The following USP24 variants were observed in gnomAD, a reference collection of about 807,000 sequenced individuals.
USP24 encodes the protein ubiquitin specific peptidase 24.
A neutral mutation model predicts 361.6 loss-of-function variants in USP24; 97 were observed. The observed-to-expected ratio is 0.27, with a 90% confidence interval of 0.23 to 0.32. The LOEUF is 0.32. Among genes scored for constraint, USP24 ranks in the 10% least tolerant of loss-of-function variants. The pLI is 1.00. For synonymous variants in USP24, 1,098 were observed against 1,124.6 expected (o/e 0.98, Z 0.47); for missense variants, 2,353 against 3,165.6 (o/e 0.74, Z 6.16).
At chr1:55,144,316 CT>C in intron 20 of USP24, 113 bp from the exon 21 acceptor site, 2 of 556,890 alleles carry the variant, frequency 3.6e-6, no homozygotes, top group Non-Finnish European at 3.0e-6. Context: ...GCATTGGCTT[CT>C]TAGATATGGT....
At chr1:55,100,599 C>T (rs1469903833) in intron 44 of USP24, among the ~76,000 whole-genome samples, 1 of 151,884 alleles carries the variant, frequency 6.6e-6, no homozygotes, top group Admixed American at 6.6e-5. Context: ...AAATAAGAAT[C>T]ATTAAAAATA....
rs191448950 is a variant in USP24 at position 55,119,171 on chromosome 1, G to A, written c.4508+1425C>T. On this transcript the variant is annotated intron_variant, in intron 38 of 67. Transcript: ENST00000294383. ...GGCCAAAAGGTGGAAACACCCAAAT[G>A]TTCATCTATGGATGAATGGATATAC... Among the ~76,000 whole-genome samples, 951 of 152,286 alleles carry A rather than the reference G, an allele frequency of 6.2e-3. 12 individuals are homozygous for A. Among genetic ancestry groups the A allele is most frequent in the Non-Finnish European group, 6.4e-3 (435 of 68,024 alleles).
intron 1 of USP24, among the ~76,000 whole-genome samples, chr1:55,192,121 T>A (rs1251511841): frequency 6.6e-6 from 1 of 151,308 alleles, no homozygotes. Context: ...AAAATCAACA[T>A]GCAAGCTTTT....
In USP24 at chr1:55,153,912, T is replaced by C; in HGVS notation, c.1818A>G (p.Gly606=). The C allele has an allele frequency of 6.4e-7, 1 of 1,551,002 alleles. No homozygotes were observed. Among genetic ancestry groups the C allele is most frequent in the Non-Finnish European group, 8.7e-7 (1 of 1,146,656 alleles). ...IKCIEDIKRP[G]EWSGLEKNKK... is the part of the protein sequence containing the mutation. ...TGTTTTTTTCCAAACCTGACCATTCTCCAGGCTGAAAATTCATTTTAAGAG... is the reference window on the plus strand; with the variant it reads ...TGTTTTTTTCCAAACCTGACCATTCCCCAGGCTGAAAATTCATTTTAAGAG... The change falls in exon 16 of 68, where the codon GGA becomes GGG. Residue 606 remains glycine, a synonymous_variant. Transcript: ENST00000294383.
At chr1:55,187,144 T>C (rs1644154948) in intron 1 of USP24, among the ~76,000 whole-genome samples, 1 of 151,860 alleles carries the variant, frequency 6.6e-6, no homozygotes, top group South Asian at 2.1e-4. Context: ...CCAATCAATA[T>C]AATAACACCA....
intron 51 of USP24, among the ~76,000 whole-genome samples, chr1:55,094,412 TTG>T (rs1645449077): frequency 1.3e-5 from 2 of 152,190 alleles, no homozygotes; most frequent in Non-Finnish European, 2.9e-5. Context: ...CTTCATATTA[TTG>T]TGAGATATCT....
intron 1 of USP24, among the ~76,000 whole-genome samples, chr1:55,199,588 AGTGT>A (rs55710750): frequency 0.17 from 24,477 of 146,000 alleles, 2,378 homozygotes; most frequent in African/African-American, 0.28. Context: ...GTTCAGAAAA[AGTGT>A]GTGTGTGTGT....
rs1381878977 is a variant in USP24 at position 55,154,283 on chromosome 1, A to G, written c.1651-3T>C. ...AGTTCCCAGAGTACGTCTAAAACCT[A>G]CAATAATATTACATATGATCAGCCA... is the stretch of plus-strand genomic sequence containing the variant. On this transcript the variant is annotated splice_polypyrimidine_tract_variant and splice_region_variant and intron_variant, in intron 14 of 67. Coordinates refer to ENST00000294383, the MANE Select transcript of USP24 (RefSeq NM_015306.3). The G allele has an allele frequency of 1.9e-6, 3 of 1,606,462 alleles. No homozygotes were observed. Among genetic ancestry groups the G allele is most frequent in the Non-Finnish European group, 2.6e-6 (3 of 1,176,018 alleles).
chr1:55,172,656 A>G (rs756750342), intron 3 of USP24, 136 bp from the exon 4 acceptor site: 12 of 915,996 alleles, frequency 1.3e-5, no homozygotes, highest in Non-Finnish European at 1.8e-5. Context: ...CTTTTAAAAG[A>G]CCCATAGCTG....
chr1:55,166,035 T>C (rs1648811909), intron 6 of USP24, 85 bp from the exon 7 acceptor site: 4 of 1,254,132 alleles, frequency 3.2e-6, no homozygotes, highest in Non-Finnish European at 4.4e-6. Context: ...ATAGTAGGTG[T>C]ATATGTTTAT....
chr1:55,113,748 A>G (rs1646023066), intron 38 of USP24, among the ~76,000 whole-genome samples: 1 of 152,122 alleles, frequency 6.6e-6, no homozygotes, highest in Non-Finnish European at 1.5e-5. Flanking sequence ...CTAGGTATTG[A>G]TGGAACGTAT....
chr1:55,072,353 T>A lies in USP24; in HGVS notation c.7653A>T (p.Ser2551=). 1 of 1,613,862 alleles carries A rather than the reference T, an allele frequency of 6.2e-7. No homozygotes were observed. The highest frequency in any genetic ancestry group is 8.5e-7 in the Non-Finnish European group (1 of 1,179,842). Residue 2551 remains serine (S), a synonymous_variant, in exon 66 of 68, where the codon TCA becomes TCT. Transcript: ENST00000294383. ...TGGTTCGCTGAAAGGTTTTTCCAGT[T>A]GATGTTTCATTAGAGACATTACTCT... The part of the protein sequence containing the change: ...TPQSNVSNET[S]TGKTFQRTIS...
Position 55,134,413 on chromosome 1 carries a change from C to A in USP24, c.3202G>T (p.Glu1068Ter). 6.2e-7 allele frequency: 1 copy of A among 1,608,004 alleles called. No individual in the cohort carries two copies. The highest frequency in any genetic ancestry group is 8.5e-7 in the Non-Finnish European group (1 of 1,175,492). The change falls in exon 29 of 68, where the codon GAG becomes TAG. Residue 1068 changes from glutamate to a stop codon, truncating the protein, a stop_gained and splice_region_variant. Transcript: ENST00000294383. LOFTEE classifies it high-confidence loss of function. Reference sequence around the variant, plus strand: ...ATCACTACACCAGGGAGGGATTTCTCCTGATGGAAAAAAGCAAAATAGAAA... The same window carrying A: ...ATCACTACACCAGGGAGGGATTTCTACTGATGGAAAAAAGCAAAATAGAAA... Reference protein sequence around the residue: ...VFSSSYAMEQEKSLPGVVMAL... With the variant: ...VFSSSYAMEQ
At chr1:55,206,040 A>C (rs1230796693) in intron 1 of USP24, among the ~76,000 whole-genome samples, 1 of 152,230 alleles carries the variant, frequency 6.6e-6, no homozygotes, top group Admixed American at 6.5e-5. Context: ...CAACAGCAAG[A>C]AACAGAACCC....
At chr1:55,132,337 G>C (rs963960993) in intron 31 of USP24, among the ~76,000 whole-genome samples, 1 of 152,192 alleles carries the variant, frequency 6.6e-6, no homozygotes, top group Non-Finnish European at 1.5e-5. Flanking sequence ...TGTTATAGCA[G>C]CCCAAATGGG....
At chr1:55,077,106 G>T in intron 62 of USP24, 129 bp downstream of exon 62, 2 of 875,182 alleles carry the variant, frequency 2.3e-6, no homozygotes, top group Non-Finnish European at 3.2e-6. Context: ...CTGACACGAA[G>T]ATTTGGTCTC....
At chr1:55,087,048 G>A (rs898554264) in intron 55 of USP24, among the ~76,000 whole-genome samples, 3 of 152,122 alleles carry the variant, frequency 2.0e-5, no homozygotes, top group Non-Finnish European at 4.4e-5. Context: ...AATTGCCTTA[G>A]AAGACTATAC....
intron 67 of USP24, among the ~76,000 whole-genome samples, chr1:55,069,948 C>G (rs1220362593): frequency 6.8e-6 from 1 of 147,594 alleles, no homozygotes; most frequent in Admixed American, 6.8e-5. Flanking sequence ...TCAAGCAGGA[C>G]TGTGTTGAGG....
At chr1:55,214,767 G>A (rs1644943073) in intron 1 of USP24, 23 bp downstream of exon 1, 4 of 1,217,298 alleles carry the variant, frequency 3.3e-6, no homozygotes, top group Non-Finnish European at 4.1e-6. Flanking sequence ...TTCCCACAGA[G>A]GTCTGGGGTT....
Sources: allele counts gnomAD v4.1 joint callset (sites outside exome capture counted in the v4.1 genomes callset), GRCh38; gene constraint gnomAD v4.1.1; transcripts MANE v1.5; gene names NCBI Gene and HGNC (gene_info 2026-07-23, HGNC 2026-07-21).